NTF3: variants seen among roughly 807,000 people sequenced by gnomAD.
NTF3 encodes neurotrophin 3, also known as neurotrophin-3.
In NTF3, 8 loss-of-function variants were observed where a neutral mutation model predicts 26.3. The observed-to-expected ratio is 0.30, with a 90% CI of 0.18 to 0.55. NTF3 has a LOEUF of 0.55. Among genes scored for constraint, NTF3 ranks in the 20% least tolerant of loss-of-function variants. The pLI is 0.93. For synonymous variants in NTF3, 154 were observed against 145.5 expected (o/e 1.06, Z -0.42); for missense variants, 276 against 352.9 (o/e 0.78, Z 1.75).
chr12:5,460,645 C>T (rs1338724830), intron 1 of NTF3, among the ~76,000 whole-genome samples: 3 of 152,200 alleles, frequency 2.0e-5, no homozygotes, highest in African/African-American at 7.2e-5. Flanking sequence ...CATTCCCTTT[C>T]ACCACCTGGG....
intron 1 of NTF3, among the ~76,000 whole-genome samples, chr12:5,465,102 G>C (rs1376050566): frequency 6.6e-6 from 1 of 152,184 alleles, no homozygotes; most frequent in Non-Finnish European, 1.5e-5. Flanking sequence ...TCAGAGAGGT[G>C]AATCCATATG....
chr12:5,453,298 G>A (rs1401373384), intron 1 of NTF3, among the ~76,000 whole-genome samples: 1 of 152,162 alleles, frequency 6.6e-6, no homozygotes, highest in Non-Finnish European at 1.5e-5. Context: ...GTGACTTACT[G>A]CAAAGTCTTT....
At chr12:5,451,694 TTAATG>T (rs1199795415) in intron 1 of NTF3, among the ~76,000 whole-genome samples, 1 of 152,218 alleles carries the variant, frequency 6.6e-6, no homozygotes, top group Non-Finnish European at 1.5e-5. Flanking sequence ...TTTTTTTACT[TTAATG>T]TAATTTTTAG....
intron 1 of NTF3, among the ~76,000 whole-genome samples, chr12:5,432,609 A>G (rs995894856): frequency 1.4e-5 from 2 of 138,462 alleles, no homozygotes; most frequent in African/African-American, 5.4e-5. Context: ...ACACACACAG[A>G]CACGGACACC....
chr12:5,494,922 C>T lies in NTF3; in HGVS notation c.747C>T (p.Gly249=). The change falls in exon 2 of 2, where the codon GGC becomes GGT. Residue 249 remains glycine, a synonymous_variant. Transcript: ENST00000423158. The surrounding 1 kb of genome is among the most constrained non-coding windows in gnomAD (Gnocchi z 8.3). ...CTTCAGAGAACAATAAACTCGTGGG[C>T]TGGCGGTGGATACGGATAGACACGT... ...ALTSENNKLV[G]WRWIRIDTSC... 1 of 1,614,122 alleles carries T rather than the reference C, an allele frequency of 6.2e-7. No homozygotes were observed. Among genetic ancestry groups the T allele is most frequent in the Non-Finnish European group, 8.5e-7 (1 of 1,180,016 alleles).
At chr12:5,484,894 A>C (rs1240207633) in intron 1 of NTF3, among the ~76,000 whole-genome samples, 2 of 152,324 alleles carry the variant, frequency 1.3e-5, no homozygotes, top group East Asian at 3.9e-4. Flanking sequence ...TTAGTGGCAG[A>C]GTTGGTTTTT....
At chr12:5,458,256 T>C (rs1940477894) in intron 1 of NTF3, among the ~76,000 whole-genome samples, 1 of 152,184 alleles carries the variant, frequency 6.6e-6, no homozygotes, top group Non-Finnish European at 1.5e-5. Flanking sequence ...CACGCCTTTC[T>C]TGCCTGACTG....
chr12:5,488,677 T>G (rs1940897822), intron 1 of NTF3, among the ~76,000 whole-genome samples: 2 of 152,216 alleles, frequency 1.3e-5, no homozygotes, highest in Admixed American at 6.5e-5. Flanking sequence ...CTACTTTAAA[T>G]CTATCACTTT....
chr12:5,492,171 C>G (rs116953389), intron 1 of NTF3, among the ~76,000 whole-genome samples: 6 of 152,310 alleles, frequency 3.9e-5, no homozygotes, highest in Non-Finnish European at 8.8e-5. Flanking sequence ...CCTCCTCAAT[C>G]CATCAGCATC....
chr12:5,459,217 T>G (rs1478634965), intron 1 of NTF3, among the ~76,000 whole-genome samples: 1 of 152,210 alleles, frequency 6.6e-6, no homozygotes. Context: ...TTCTGGATTC[T>G]CAAATGAGAT....
At chr12:5,431,617 T>C (rs1252229626), upstream of NTF3, among the ~76,000 whole-genome samples, 1 of 151,374 alleles carries the variant, frequency 6.6e-6, no homozygotes, top group African/African-American at 2.4e-5. Context: ...GGTCTAAGGT[T>C]TGGAGGAGGA....
intron 1 of NTF3, among the ~76,000 whole-genome samples, chr12:5,459,474 C>T (rs768900078): frequency 7.9e-5 from 12 of 152,188 alleles, no homozygotes; most frequent in Non-Finnish European, 1.8e-4. Flanking sequence ...CCCTTCACAC[C>T]CCAGCAAGAG....
At chr12:5,458,483 T>A (rs897257182) in intron 1 of NTF3, among the ~76,000 whole-genome samples, 3 of 152,310 alleles carry the variant, frequency 2.0e-5, no homozygotes, top group Admixed American at 1.3e-4. Context: ...CCTAGTAGCA[T>A]TCCAAACCAC....
Position 5,477,033 on chromosome 12 carries a change from A to G in NTF3, c.19-17161A>G, listed in dbSNP as rs1265829132. Among the ~76,000 whole-genome samples the G allele has an allele frequency of 2.6e-5, 4 of 152,210 alleles. 1 individual carries two copies. In the South Asian group the frequency reaches 6.2e-4, roughly 24 times the overall value. ...ATTACTTTTATAATAAGGAAAAAAC[A>G]TCTCTCTAGGAAAAATTATTTAAGG... On this transcript the variant is annotated intron_variant, in intron 1 of 1. Transcript: ENST00000423158.
chr12:5,438,174 T>C (rs1940195799), intron 1 of NTF3, among the ~76,000 whole-genome samples: 1 of 152,110 alleles, frequency 6.6e-6, no homozygotes, highest in Admixed American at 6.5e-5. Flanking sequence ...AAAAAAAGTC[T>C]TTCAGAGGAC....
upstream of NTF3, chr12:5,432,090 G>T: frequency 1.7e-6 from 1 of 582,936 alleles, no homozygotes; most frequent in Non-Finnish European, 3.1e-6. Flanking sequence ...TTATAACCGC[G>T]CAGATTCTGT....
intron 1 of NTF3, among the ~76,000 whole-genome samples, chr12:5,454,615 T>TG (rs1298919999): frequency 6.6e-6 from 1 of 152,184 alleles, no homozygotes; most frequent in Non-Finnish European, 1.5e-5. Flanking sequence ...GGCCCCCATG[T>TG]GGGGTCTCTG....
chr12:5,482,176 G>T (rs938455592), intron 1 of NTF3, among the ~76,000 whole-genome samples: 2 of 151,900 alleles, frequency 1.3e-5, no homozygotes, highest in Non-Finnish European at 2.9e-5. Flanking sequence ...ACACGAGCGC[G>T]CACACACACA....
In NTF3 at chr12:5,494,358, C is replaced by G; in HGVS notation, c.183C>G (p.Leu61=). Residue 61 remains leucine (L), a synonymous_variant, in exon 2 of 2, where the codon CTC becomes CTG. Transcript: ENST00000423158. The surrounding 1 kb of genome is among the most constrained non-coding windows in gnomAD (Gnocchi z 8.3). ...AGGCAGATATTTTGAAAAACAAGCT[C>G]TCCAAGCAGATGGTGGACGTTAAGG... is the stretch of plus-strand genomic sequence containing the variant. ...LIQADILKNK[L]SKQMVDVKEN... The G allele has an allele frequency of 4.3e-6, 7 of 1,614,104 alleles. No homozygotes were observed. Among genetic ancestry groups the G allele is most frequent in the Non-Finnish European group, 5.9e-6 (7 of 1,180,034 alleles).
Sources: allele counts gnomAD v4.1 joint callset (sites outside exome capture counted in the v4.1 genomes callset), GRCh38; gene constraint gnomAD v4.1.1; non-coding constraint Gnocchi (gnomAD v3.1); transcripts MANE v1.5; gene names NCBI Gene and HGNC (gene_info 2026-07-23, HGNC 2026-07-21).